GAS7: variants seen among roughly 807,000 people sequenced by gnomAD.
GAS7 encodes the protein growth arrest specific 7.
A neutral mutation model predicts 71.1 loss-of-function variants in GAS7; 28 were observed. The ratio of observed to expected loss-of-function variants is 0.39; its 90% CI spans 0.29 to 0.54. The LOEUF is 0.54. GAS7 is among the 20% of genes least tolerant of loss of function. GAS7 has a pLI of 0.62. For synonymous variants in GAS7, 258 were observed against 245.8 expected, an observed-to-expected ratio of 1.05 and a Z score of -0.46; for missense variants, 436 against 627.8, an observed-to-expected ratio of 0.69 and a Z score of 3.27.
chr17:10,196,685 C>G (rs544744175), intron 1 of GAS7, among the ~76,000 whole-genome samples: 3 of 152,148 alleles, frequency 2.0e-5, no homozygotes, highest in African/African-American at 4.8e-5. Flanking sequence ...TGCTCCTCAC[C>G]GGACAGACAT....
chr17:10,039,853 AG>A (rs35655570), intron 1 of GAS7: 1 of 420,056 alleles, frequency 2.4e-6, no homozygotes, highest in Non-Finnish European at 4.7e-6. Flanking sequence ...GGGCTCCCAG[AG>A]GGGGTGACAA....
At chr17:9,931,551 G>A (rs558143712) in intron 9 of GAS7, among the ~76,000 whole-genome samples, 1 of 152,240 alleles carries the variant, frequency 6.6e-6, no homozygotes, top group African/African-American at 2.4e-5. Flanking sequence ...GCTGCTGGGG[G>A]CCCCGACAGG....
intron 1 of GAS7, among the ~76,000 whole-genome samples, chr17:10,033,255 G>T (rs2072666324): frequency 6.6e-6 from 1 of 152,100 alleles, no homozygotes; most frequent in Non-Finnish European, 1.5e-5. Context: ...CCCCTCTAAA[G>T]GATTGCTGGT....
chr17:10,127,138 T>C (rs759984538), intron 1 of GAS7, among the ~76,000 whole-genome samples: 3 of 152,150 alleles, frequency 2.0e-5, no homozygotes, highest in Non-Finnish European at 4.4e-5. Flanking sequence ...GTGTTCCCAA[T>C]GACTGGCTGA....
intron 1 of GAS7, among the ~76,000 whole-genome samples, chr17:10,158,821 A>G (rs1235022932): frequency 1.3e-5 from 2 of 151,496 alleles, no homozygotes; most frequent in African/African-American, 2.4e-5. Context: ...TTGGGAGGCC[A>G]AGGTGGGAGG....
At chr17:10,059,010 C>T (rs1307086007) in intron 1 of GAS7, among the ~76,000 whole-genome samples, 1 of 152,324 alleles carries the variant, frequency 6.6e-6, no homozygotes, top group East Asian at 1.9e-4. Context: ...ATGCTGTCCA[C>T]GCTGTATCCC....
At chr17:10,159,065 C>CATATATATATAT (rs745794234) in intron 1 of GAS7, among the ~76,000 whole-genome samples, 3,574 of 59,512 alleles carry the variant, frequency 0.06, 226 homozygotes, top group Middle Eastern at 0.13. Context: ...GTCTCTAAAA[C>CATATATATATAT]ATATATATAT....
intron 3 of GAS7, among the ~76,000 whole-genome samples, chr17:9,970,399 G>A (rs1421721248): frequency 6.6e-6 from 1 of 152,184 alleles, no homozygotes; most frequent in Non-Finnish European, 1.5e-5. Flanking sequence ...TGAGGCCGAG[G>A]TGGGCGGATC....
At chr17:10,027,736 G>A (rs1347577243) in intron 1 of GAS7, among the ~76,000 whole-genome samples, 1 of 152,220 alleles carries the variant, frequency 6.6e-6, no homozygotes, top group Non-Finnish European at 1.5e-5. Flanking sequence ...GAACTGTGAG[G>A]AAGTCCTGTT....
chr17:10,029,441 G>A (rs1238711403), intron 1 of GAS7, among the ~76,000 whole-genome samples: 2 of 152,174 alleles, frequency 1.3e-5, no homozygotes, highest in East Asian at 3.8e-4. Flanking sequence ...GCTGAAAGCA[G>A]CTTACAGAAA....
At chr17:9,943,744 A>C (rs2068691404) in intron 6 of GAS7, among the ~76,000 whole-genome samples, 1 of 152,180 alleles carries the variant, frequency 6.6e-6, no homozygotes, top group African/African-American at 2.4e-5. Context: ...CAGGAGAGAA[A>C]AGTAAATCAT....
chr17:10,072,262 C>T (rs1333415504), intron 1 of GAS7, among the ~76,000 whole-genome samples: 3 of 152,142 alleles, frequency 2.0e-5, no homozygotes, highest in African/African-American at 7.2e-5. Context: ...CACTATCTGC[C>T]CCGATACCTG....
intron 1 of GAS7, among the ~76,000 whole-genome samples, chr17:10,063,280 G>A (rs529207348): frequency 5.3e-5 from 8 of 152,306 alleles, no homozygotes; most frequent in Middle Eastern, 3.4e-3. Context: ...GTGTGCGCGC[G>A]CACGCGTTTG....
chr17:9,946,847 C>T, intron 6 of GAS7, 47 bp downstream of exon 6: 4 of 1,296,074 alleles, frequency 3.1e-6, no homozygotes, highest in African/African-American at 1.5e-5. Context: ...GGTGTCCACT[C>T]CCGGTCACCG....
At chr17:10,033,013 C>T (rs2072659475) in intron 1 of GAS7, among the ~76,000 whole-genome samples, 2 of 152,132 alleles carry the variant, frequency 1.3e-5, no homozygotes, top group Non-Finnish European at 2.9e-5. Flanking sequence ...GCCACAGGTC[C>T]CTGTTACGGC....
At chr17:10,039,260 AGTTTAGATCAAAAGACCCTGTGACC>A (rs1358225070) in intron 1 of GAS7, among the ~76,000 whole-genome samples, 1 of 151,184 alleles carries the variant, frequency 6.6e-6, no homozygotes, top group Non-Finnish European at 1.5e-5. Flanking sequence ...CCACAGAGAT[AGTTTAGATCAAAAGACCCTGTGACC>A]CATAAGCCGC....
At chr17:10,168,923 T>G (rs1293866229) in intron 1 of GAS7, among the ~76,000 whole-genome samples, 1 of 145,634 alleles carries the variant, frequency 6.9e-6, no homozygotes, top group Non-Finnish European at 1.5e-5. Context: ...TGAGCCGAGA[T>G]CACGCCACTG....
intron 1 of GAS7, among the ~76,000 whole-genome samples, chr17:10,161,970 G>A (rs1004882928): frequency 1.3e-5 from 2 of 151,764 alleles, no homozygotes; most frequent in Admixed American, 1.3e-4. Flanking sequence ...AGGAGGCTGA[G>A]GCAGGAGAAT....
intron 1 of GAS7, among the ~76,000 whole-genome samples, chr17:10,020,562 G>T (rs1469074287): frequency 6.6e-6 from 1 of 151,774 alleles, no homozygotes; most frequent in Non-Finnish European, 1.5e-5. Context: ...ACAAATCAGA[G>T]AAAAATGTAT....
Sources: gnomAD v4.1 joint callset for allele counts (sites outside exome capture counted in the v4.1 genomes callset) on GRCh38, gnomAD v4.1.1 for gene constraint, MANE v1.5 for transcripts, NCBI Gene and HGNC (gene_info 2026-07-23, HGNC 2026-07-21) for gene names.